Variants in LSS observed in about 807,000 individuals in gnomAD.
LSS encodes lanosterol synthase, also known as 2,3-epoxysqualene-lanosterol cyclase.
In LSS, 90 loss-of-function variants were observed where a neutral mutation model predicts 110.3. The observed-to-expected ratio is 0.82, with a 90% confidence interval of 0.69 to 0.97. LSS has a LOEUF of 0.97. Ranked by LOEUF, LSS falls within the 50% of genes least tolerant of loss-of-function variation. The pLI is 0.00. For synonymous variants in LSS, 433 were observed against 400.0 expected (o/e 1.08, Z -0.98); for missense variants, 927 against 990.0 (o/e 0.94, Z 0.85).
At chr21:46,215,000 C>G (rs1038744949) in intron 9 of LSS, among the ~76,000 whole-genome samples, 180 bp downstream of exon 9, 1 of 152,018 alleles carries the variant, frequency 6.6e-6, no homozygotes, top group African/African-American at 2.4e-5. Context: ...CTGAGCTGGG[C>G]GTGCAGGGGT....
At chr21:46,213,510 T>A (rs778772899) in intron 10 of LSS, among the ~76,000 whole-genome samples, 37 of 152,254 alleles carry the variant, frequency 2.4e-4, no homozygotes, top group African/African-American at 8.9e-4. Flanking sequence ...ACCACCCCCT[T>A]CCTCACTCTA....
At chr21:46,222,023 T>C in intron 4 of LSS, 48 bp from the exon 5 acceptor site, 2 of 1,599,772 alleles carry the variant, frequency 1.3e-6, no homozygotes, top group Non-Finnish European at 1.7e-6. Flanking sequence ...TCCTTACTTC[T>C]AAGAAATAAA....
At chr21:46,227,497 T>A in intron 3 of LSS, 55 bp downstream of exon 3, 1 of 1,606,376 alleles carries the variant, frequency 6.2e-7, no homozygotes, top group Non-Finnish European at 8.5e-7. Flanking sequence ...TGGGCCAGGA[T>A]CCCAAGGGTG....
chr21:46,199,385 G>A (rs1311772461), intron 17 of LSS, among the ~76,000 whole-genome samples: 4 of 152,228 alleles, frequency 2.6e-5, no homozygotes, highest in African/African-American at 9.6e-5. Flanking sequence ...GTGAGGATGT[G>A]GAGCAACAAA....
chr21:46,198,540 T>C (rs2079939470), intron 17 of LSS, among the ~76,000 whole-genome samples: 1 of 152,012 alleles, frequency 6.6e-6, no homozygotes, highest in African/African-American at 2.4e-5. Context: ...GACTCTAAAA[T>C]GTATATGGAG....
chr21:46,212,569 T>G (rs1049416521), intron 11 of LSS, among the ~76,000 whole-genome samples: 13 of 152,270 alleles, frequency 8.5e-5, no homozygotes, highest in Admixed American at 8.5e-4. Flanking sequence ...TCCAGCCCAC[T>G]CAGGCCAAGT....
chr21:46,205,877 A>G lies in LSS; in HGVS notation c.1629T>C (p.Tyr543=). The G allele has an allele frequency of 6.2e-7, 1 of 1,611,072 alleles. No individual in the cohort carries two copies. The highest frequency in any genetic ancestry group is 1.1e-5 in the South Asian group (1 of 90,072). The stretch of plus-strand genomic sequence containing the variant: ...TGTGCTCCGGGAAACGCTTGTGGAA[A>G]TACTTAAGCGCCTGCATCACGGCTG... ...CTSAVMQALK[Y]FHKRFPEHRA... is the part of the protein sequence containing the mutation. Residue 543 remains tyrosine (Y), a synonymous_variant, in exon 17 of 22, where the codon TAT becomes TAC. Coordinates refer to ENST00000397728, the MANE Select transcript of LSS (RefSeq NM_002340.6).
Position 46,206,740 on chromosome 21 carries a change from C to A in LSS, c.1496G>T (p.Gly499Val), listed in dbSNP as rs751752652. 7 of 1,612,512 alleles carry A rather than the reference C, an allele frequency of 4.3e-6. No individual in the cohort carries two copies. The highest frequency in any genetic ancestry group is 5.9e-6 in the Non-Finnish European group (7 of 1,179,962). ...ACGCTTGGTCTCATAGGTGGCGAAC[C>A]CTCCATCTGGATTTCTCATGTTCAG... ...VLLNMRNPDG[G>V]FATYETKRGG... The change falls in exon 16 of 22, where the codon GGG (glycine) becomes GTG (valine). Residue 499 changes from glycine (G) to valine (V), a missense_variant. Transcript: ENST00000397728.
In LSS at chr21:46,209,100, G is replaced by A. The variant is rs1399900218; in HGVS notation, c.1266+454C>T. ...GACACTGAGGTCAAACTATGGGCTCGGGCAGGGTCTGTGGGCAGCTGATCT... is the reference window on the plus strand; with the variant it reads ...GACACTGAGGTCAAACTATGGGCTCAGGCAGGGTCTGTGGGCAGCTGATCT... On this transcript the variant is annotated intron_variant, in intron 13 of 21. Coordinates refer to ENST00000397728, the MANE Select transcript of LSS (RefSeq NM_002340.6). The surrounding 1 kb of genome is among the most constrained non-coding windows in gnomAD (Gnocchi z 4.4). 3.9e-5 allele frequency among the ~76,000 whole-genome samples: 6 copies of A among 152,152 alleles called. No individual in the cohort carries two copies. The highest frequency in any genetic ancestry group is 2.1e-4 in the South Asian group (1 of 4,824).
chr21:46,227,328 C>CT, intron 3 of LSS: 1 of 562,454 alleles, frequency 1.8e-6, no homozygotes, highest in Non-Finnish European at 3.1e-6. Context: ...TAGAGAACCA[C>CT]TTGCTTCTCT....
At chr21:46,210,817 A>C in intron 11 of LSS, 73 bp from the exon 12 acceptor site, 8 of 1,453,766 alleles carry the variant, frequency 5.5e-6, no homozygotes, top group Non-Finnish European at 6.7e-6. Context: ...CCAGGATCCA[A>C]TGGGCGCCTG....
intron 6 of LSS, among the ~76,000 whole-genome samples, chr21:46,219,096 A>T (rs2080242337): frequency 1.3e-5 from 2 of 152,176 alleles, no homozygotes; most frequent in Admixed American, 1.3e-4. Flanking sequence ...CACACTTCAC[A>T]TTCACCAGCA....
rs773761688 is a variant in LSS at position 46,196,256 on chromosome 21, G to C, written c.1682C>G (p.Thr561Arg). 1 of 1,614,100 alleles carries C rather than the reference G, an allele frequency of 6.2e-7. No homozygotes were observed. The highest frequency in any genetic ancestry group is 1.7e-5 in the Admixed American group (1 of 60,022). ...CCGCCGACAGAACTCTAAGCCCTGC[G>C]TGAGGGTCTCCCTGGAACACGAGAT... The part of the protein sequence containing the change: ...HRAAEIRETL[T>R]QGLEFCRRQQ... The change falls in exon 18 of 22, where the codon ACG becomes AGG. Residue 561 changes from threonine (T) to arginine (R), a missense_variant. Transcript: ENST00000397728.
intron 6 of LSS, among the ~76,000 whole-genome samples, chr21:46,218,566 G>C (rs963869583): frequency 6.6e-6 from 1 of 152,060 alleles, no homozygotes; most frequent in African/African-American, 2.4e-5. Flanking sequence ...GGAGGTTGCA[G>C]TGACCCCAAA....
At chr21:46,198,522 GACAA>G (rs2079939221) in intron 17 of LSS, among the ~76,000 whole-genome samples, 1 of 152,032 alleles carries the variant, frequency 6.6e-6, no homozygotes. Context: ...GTAAACTATT[GACAA>G]ACTGACTCTA....
intron 9 of LSS, among the ~76,000 whole-genome samples, chr21:46,214,865 C>A (rs1213167572): frequency 6.6e-6 from 1 of 152,166 alleles, no homozygotes; most frequent in Non-Finnish European, 1.5e-5. Flanking sequence ...AAAAGCACCC[C>A]TCCCAGCTAG....
rs567873744 is a variant in LSS at position 46,190,004 on chromosome 21, G to A, written c.*1100C>T. The A allele has an allele frequency of 8.9e-5, 26 of 291,620 alleles. No homozygotes were observed. The highest frequency in any genetic ancestry group is 5.7e-4 in the African/African-American group (24 of 41,764). The allele number at this position is 291,620 out of a possible 1,614,324, so 18.1% of individuals were successfully genotyped here. A position where few individuals can be genotyped will look rare whatever the true frequency, so the allele number is the denominator to read the frequency against. On this transcript the variant is annotated 3_prime_UTR_variant, in exon 22 of 22. Coordinates refer to ENST00000397728, the MANE Select transcript of LSS (RefSeq NM_002340.6). This position sits in a 1 kb window ranked among gnomAD's most constrained non-coding sequence, Gnocchi z 4.6. ...GGAGCTCACAGGATTGCCTGGGGAAGCCTCGGCCCAAAACCTGGCCCTCGC... is the reference window on the plus strand; with the variant it reads ...GGAGCTCACAGGATTGCCTGGGGAAACCTCGGCCCAAAACCTGGCCCTCGC...
In LSS at chr21:46,207,440, A is replaced by G. The variant is rs374181235; in HGVS notation, c.1455T>C (p.Asp485=). 729 of 1,612,392 alleles carry G rather than the reference A, an allele frequency of 4.5e-4. No homozygotes were observed. The highest frequency in any genetic ancestry group is 6.0e-4 in the Non-Finnish European group (708 of 1,179,692). ...ACCACAGCCTTACCACAGCCACAGC[A>G]TCGCAGAGCCGTTCTCTGGGGATGT... ...TEHIPRERLC[D]AVAVLLNMRN... Residue 485 remains aspartate (D), a synonymous_variant, in exon 15 of 22, where the codon GAT becomes GAC. Transcript: ENST00000397728.
chr21:46,196,035 A>G (rs983148291), intron 18 of LSS, among the ~76,000 whole-genome samples, 167 bp downstream of exon 18: 2 of 152,266 alleles, frequency 1.3e-5, no homozygotes, highest in African/African-American at 2.4e-5. Flanking sequence ...AAGGCCACGC[A>G]TGCCACAAAG....
Sources: allele counts gnomAD v4.1 joint callset (sites outside exome capture counted in the v4.1 genomes callset), GRCh38; gene constraint gnomAD v4.1.1; non-coding constraint Gnocchi (gnomAD v3.1); transcripts MANE v1.5; gene names NCBI Gene and HGNC (gene_info 2026-07-23, HGNC 2026-07-21).